FXYD3: variants seen among roughly 807,000 people sequenced by gnomAD.
FXYD3 encodes FXYD domain-containing ion transport regulator 3.
Under a neutral mutation model 19.2 loss-of-function variants are expected in FXYD3, and 13 were observed. That is an observed-to-expected ratio of 0.68 (90% CI 0.44 to 1.08). The LOEUF is 1.08. FXYD3 is among the 50% of genes least tolerant of loss of function. FXYD3 has a pLI of 0.00. For synonymous variants in FXYD3, 48 were observed against 38.9 expected, an observed-to-expected ratio of 1.23 and a Z score of -0.87; for missense variants, 101 against 109.4, an observed-to-expected ratio of 0.92 and a Z score of 0.34.
rs757022740 is a variant in FXYD3 at position 35,121,210 on chromosome 19, C to G, written c.74-12C>G. On this transcript the variant is annotated splice_polypyrimidine_tract_variant and intron_variant, in intron 4 of 8. Coordinates refer to ENST00000604404, the MANE Select transcript of FXYD3 (RefSeq NM_005971.4). Reference sequence around the variant, plus strand: ...TAATCCTGGATTCATGATCTTTTTTCTTTCCTTGCAGATAAAAACAGTCCT... The same window carrying G: ...TAATCCTGGATTCATGATCTTTTTTGTTTCCTTGCAGATAAAAACAGTCCT... 3 of 1,613,552 alleles carry G rather than the reference C, an allele frequency of 1.9e-6. No individual in the cohort carries two copies. The African/African-American group carries it at 4.0e-5, about 22-fold the overall frequency.
At chr19:35,116,720 G>A (rs746383212) in intron 2 of FXYD3, 169 of 985,420 alleles carry the variant, frequency 1.7e-4, no homozygotes, top group Non-Finnish European at 5.3e-5. Context: ...GACCAGGGGT[G>A]CGTAGATGGA....
At chr19:35,123,138 G>A in intron 7 of FXYD3, 133 bp from the exon 8 acceptor site, 1 of 1,481,200 alleles carries the variant, frequency 6.8e-7, no homozygotes, top group East Asian at 2.4e-5. Context: ...AAATGCTTTG[G>A]CCCCTGGGAT....
In FXYD3 at chr19:35,122,953, G is replaced by C. The variant is rs546861197; in HGVS notation, c.208G>C (p.Gly70Arg). Residue 70 changes from glycine (G) to arginine (R), a missense_variant and splice_region_variant, in exon 7 of 9, where the codon GGT becomes CGT. Gly to Arg is a moderately radical substitution (Grantham distance 125). Coordinates refer to ENST00000604404, the MANE Select transcript of FXYD3 (RefSeq NM_005971.4). ...CAAATGCAAGTTTGGCCAGAAGTCC[G>C]GGTAAGATACTGTTCCGGCATGCCC... Reference protein sequence around the residue: ...KCKCKFGQKSGHHPGETPPLI... With the variant: ...KCKCKFGQKSRHHPGETPPLI... The C allele has an allele frequency of 6.3e-7, 1 of 1,594,440 alleles. No homozygotes were observed. The highest frequency in any genetic ancestry group is 8.6e-7 in the Non-Finnish European group (1 of 1,169,362).
At chr19:35,121,599 C>T in intron 5 of FXYD3, 1 of 1,294,206 alleles carries the variant, frequency 7.7e-7, no homozygotes, top group Non-Finnish European at 1.0e-6. Context: ...GTTCCAATGA[C>T]CTGCTCCCTA....
At chr19:35,118,085 G>C (rs2064941038) in intron 2 of FXYD3, 1 of 152,350 alleles carries the variant, frequency 6.6e-6, no homozygotes, top group Non-Finnish European at 1.5e-5. Flanking sequence ...GCCAGGCGTG[G>C]TGGCTCACAC....
At chr19:35,118,446 C>T (rs1055878828) in intron 2 of FXYD3, 128 of 989,038 alleles carry the variant, frequency 1.3e-4, no homozygotes, top group African/African-American at 1.6e-4. Flanking sequence ...AGGGCATGCT[C>T]GGAGGCCAGG....
intron 1 of FXYD3, 133 bp from the exon 2 acceptor site, chr19:35,116,131 G>A: frequency 3.5e-6 from 2 of 572,470 alleles, no homozygotes; most frequent in Non-Finnish European, 4.4e-6. Context: ...TCTCACCTGA[G>A]GCTGCTGTGG....
chr19:35,121,034 G>A, intron 3 of FXYD3, 44 bp from the exon 4 acceptor site: 1 of 1,610,738 alleles, frequency 6.2e-7, no homozygotes, highest in South Asian at 1.1e-5. Flanking sequence ...GCTTGGCTGA[G>A]GCCGGCATCA....
chr19:35,116,405 C>G, intron 2 of FXYD3, 46 bp downstream of exon 2: 2 of 981,082 alleles, frequency 2.0e-6, no homozygotes, highest in Non-Finnish European at 2.4e-6. Context: ...TGTCTCTGCC[C>G]CTAAATTAGG....
chr19:35,119,657 T>TTTTTTGTTTTTG (rs542983666), intron 3 of FXYD3: 1 of 463,744 alleles, frequency 2.2e-6, no homozygotes, highest in African/African-American at 2.9e-5. Context: ...TTTTTTGGCT[T>TTTTTTGTTTTTG]TTTTTGTTTT....
intron 2 of FXYD3, 21 bp from the exon 3 acceptor site, chr19:35,119,342 G>T: frequency 6.2e-7 from 1 of 1,613,746 alleles, no homozygotes. Flanking sequence ...GCTAAGGCCA[G>T]ACCTCCCGCC....
chr19:35,121,106 AG>A lies in FXYD3; in HGVS notation c.70del (p.Glu24LysfsTer34). ...TTCCTGTCCTGGACGCCAATGACCT[AG>A]AAGGTGAGTCAGACTGGACTCTCAC... ...GFPVLDANDL[E>X]DKNSPFYYDW... On this transcript the variant is annotated frameshift_variant, in exon 4 of 9. Coordinates refer to ENST00000604404, the MANE Select transcript of FXYD3 (RefSeq NM_005971.4). LOFTEE classifies it high-confidence loss of function. 3.1e-6 allele frequency: 5 copies of A among 1,613,466 alleles called. No homozygotes were observed. Among genetic ancestry groups the A allele is most frequent in the Non-Finnish European group, 4.2e-6 (5 of 1,180,026 alleles).
chr19:35,119,568 A>G (rs1298089928), intron 3 of FXYD3, 152 bp downstream of exon 3: 1 of 661,348 alleles, frequency 1.5e-6, no homozygotes, highest in Admixed American at 2.6e-5. Context: ...CAGACTAGTG[A>G]TAGCCGGGGA....
chr19:35,121,305 G>A, intron 5 of FXYD3, 60 bp downstream of exon 5: 3 of 1,614,156 alleles, frequency 1.9e-6, no homozygotes, highest in East Asian at 2.2e-5. Flanking sequence ...GGTGCCAAGG[G>A]TTCCCATACA....
intron 8 of FXYD3, 44 bp from the exon 9 acceptor site, chr19:35,123,397 G>T (rs1307079957): frequency 3.1e-6 from 5 of 1,613,762 alleles, no homozygotes; most frequent in East Asian, 2.2e-5. Context: ...GGAAAGAAAA[G>T]AACTCAATCC....
intron 3 of FXYD3, 55 bp downstream of exon 3, chr19:35,119,471 C>T: frequency 6.7e-7 from 1 of 1,494,110 alleles, no homozygotes; most frequent in Non-Finnish European, 9.3e-7. Flanking sequence ...ATGCGGGGAT[C>T]CAACCTCTGT....
chr19:35,123,263 C>A lies in FXYD3; in HGVS notation c.210-8C>A. The A allele has an allele frequency of 6.3e-7, 1 of 1,585,382 alleles. No individual in the cohort carries two copies. The highest frequency in any genetic ancestry group is 8.6e-7 in the Non-Finnish European group (1 of 1,165,410). On this transcript the variant is annotated splice_polypyrimidine_tract_variant and splice_region_variant and intron_variant, in intron 7 of 8. Transcript: ENST00000604404. ...CGGACACCAATCTCACCACTTTTGT[C>A]TCCTTAGTCACCATCCAGGGGAGAC...
chr19:35,116,834 G>C (rs1295251832), intron 2 of FXYD3: 1 of 985,294 alleles, frequency 1.0e-6, no homozygotes, highest in African/African-American at 1.7e-5. Flanking sequence ...GGGGTGTCCA[G>C]ACATTGAGGG....
chr19:35,123,354 G>GTA, intron 8 of FXYD3, 46 bp downstream of exon 8: 1 of 1,609,816 alleles, frequency 6.2e-7, no homozygotes, highest in Non-Finnish European at 8.5e-7. Context: ...GAAGTGGTGT[G>GTA]TGTGTGTGTG....
Sources: gnomAD v4.1 joint callset for allele counts on GRCh38, gnomAD v4.1.1 for gene constraint, MANE v1.5 for transcripts, NCBI Gene and HGNC (gene_info 2026-07-23, HGNC 2026-07-21) for gene names.